Variants in ZDHHC17 observed in about 807,000 individuals in gnomAD.
The protein encoded by ZDHHC17 is zDHHC palmitoyltransferase 17, also known as palmitoyltransferase ZDHHC17.
In ZDHHC17, 40 loss-of-function variants were observed where a neutral mutation model predicts 90.3. That is an observed-to-expected ratio of 0.44 (90% confidence interval 0.34 to 0.58). ZDHHC17 has a LOEUF of 0.58. Ranked by LOEUF, ZDHHC17 falls within the 20% of genes least tolerant of loss-of-function variation. ZDHHC17 has a pLI of 0.01. For missense variants in ZDHHC17, 614 were observed against 780.8 expected, an observed-to-expected ratio of 0.79 and a Z score of 2.55; for synonymous variants, 235 against 252.4, an observed-to-expected ratio of 0.93 and a Z score of 0.65.
In ZDHHC17 at chr12:76,797,494, C is replaced by T. The variant is rs1952834392; in HGVS notation, c.154C>T (p.His52Tyr). 6.2e-7 allele frequency: 1 copy of T among 1,611,542 alleles called. No homozygotes were observed. The highest frequency in any genetic ancestry group is 1.7e-5 in the Admixed American group (1 of 59,826). Residue 52 changes from histidine to tyrosine, a missense_variant, in exon 2 of 17, where the codon CAT becomes TAT. This residue lies in a region of ZDHHC17 where 358 missense variants were observed against 380.4 expected (regional missense o/e 0.94). Coordinates refer to ENST00000426126, the MANE Select transcript of ZDHHC17 (RefSeq NM_015336.4). ...TGGTGAACCTCTTGGACGGAAAACTCATATTGATGATTACAGCACATGGGA... is the reference window on the plus strand; with the variant it reads ...TGGTGAACCTCTTGGACGGAAAACTTATATTGATGATTACAGCACATGGGA... ...GYGEPLGRKTHIDDYSTWDIV... is the reference protein window; with the variant it reads ...GYGEPLGRKTYIDDYSTWDIV...
At position 76,797,460 on chromosome 12, in the gene ZDHHC17, C is replaced by T; in HGVS notation, c.120C>T (p.Asn40=). ...AAATCAAACCCCAAAGCCATTATAA[C>T]CATGGATATGGTGAACCTCTTGGAC... ...PEEIKPQSHY[N]HGYGEPLGRK... The change falls in exon 2 of 17, where the codon AAC becomes AAT. Residue 40 remains asparagine, a synonymous_variant. Transcript: ENST00000426126. 6.2e-7 allele frequency: 1 copy of T among 1,609,128 alleles called. No homozygotes were observed. Among genetic ancestry groups the T allele is most frequent in the Non-Finnish European group, 8.5e-7 (1 of 1,177,588 alleles).
At chr12:76,796,367 A>G (rs1431643978) in intron 1 of ZDHHC17, among the ~76,000 whole-genome samples, 1 of 152,168 alleles carries the variant, frequency 6.6e-6, no homozygotes, top group Non-Finnish European at 1.5e-5. Context: ...TATATAAAAG[A>G]AACAATTGTA....
chr12:76,781,007 G>T (rs1018084589), intron 1 of ZDHHC17, among the ~76,000 whole-genome samples: 2 of 151,732 alleles, frequency 1.3e-5, no homozygotes, highest in African/African-American at 4.8e-5. Context: ...GGTAGCAGGC[G>T]CCCGTAGTCC....
chr12:76,851,047 C>T lies in ZDHHC17; in HGVS notation c.*62C>T. On this transcript the variant is annotated 3_prime_UTR_variant, in exon 17 of 17. Transcript: ENST00000426126. Reference sequence around the variant, plus strand: ...GCCTGAAAATTGTGTCTGTCCGTGTCTTTCTCACACTCGAATCCACATCCT... The same window carrying T: ...GCCTGAAAATTGTGTCTGTCCGTGTTTTTCTCACACTCGAATCCACATCCT... The T allele has an allele frequency of 6.3e-7, 1 of 1,598,516 alleles. No individual in the cohort carries two copies. The highest frequency in any genetic ancestry group is 8.5e-7 in the Non-Finnish European group (1 of 1,170,464).
chr12:76,826,284 C>T (rs1307321499), intron 8 of ZDHHC17, among the ~76,000 whole-genome samples: 3 of 152,104 alleles, frequency 2.0e-5, no homozygotes, highest in Admixed American at 2.0e-4. Context: ...AGGTTTTATA[C>T]TTACAAGTAT....
chr12:76,833,001 G>A (rs1953323062), intron 10 of ZDHHC17, among the ~76,000 whole-genome samples: 2 of 152,056 alleles, frequency 1.3e-5, no homozygotes, highest in Admixed American at 1.3e-4. Flanking sequence ...GGAGGTGTGA[G>A]GATCAACTGT....
intron 1 of ZDHHC17, among the ~76,000 whole-genome samples, chr12:76,781,133 CAAAAA>C (rs33935444): frequency 3.2e-5 from 3 of 92,390 alleles, no homozygotes; most frequent in African/African-American, 4.5e-5. Flanking sequence ...GACTCCGTCT[CAAAAA>C]AAAAAAAAAA....
At chr12:76,831,596 C>T (rs965029244) in intron 10 of ZDHHC17, among the ~76,000 whole-genome samples, 4 of 152,130 alleles carry the variant, frequency 2.6e-5, no homozygotes, top group Non-Finnish European at 4.4e-5. Context: ...GTGATCCGCC[C>T]GCCTCGGTCT....
intron 2 of ZDHHC17, among the ~76,000 whole-genome samples, chr12:76,803,100 A>T (rs754111378): frequency 2.8e-4 from 42 of 152,076 alleles, no homozygotes; most frequent in Non-Finnish European, 5.6e-4. Flanking sequence ...AAAAGTACAA[A>T]AAAAGAGCCA....
Position 76,851,060 on chromosome 12 carries a change from G to A in ZDHHC17, c.*75G>A, listed in dbSNP as rs544953878. 12 of 1,575,430 alleles carry A rather than the reference G, an allele frequency of 7.6e-6. No homozygotes were observed. The South Asian group carries it at 8.0e-5, about 10-fold the overall frequency. On this transcript the variant is annotated 3_prime_UTR_variant, in exon 17 of 17. Transcript: ENST00000426126. ...GTCTGTCCGTGTCTTTCTCACACTC[G>A]AATCCACATCCTTTGAACAAGAGCA... is the stretch of plus-strand genomic sequence containing the variant.
intron 1 of ZDHHC17, among the ~76,000 whole-genome samples, chr12:76,772,927 G>A (rs1481889922): frequency 3.3e-5 from 5 of 150,860 alleles, no homozygotes; most frequent in Non-Finnish European, 7.4e-5. Context: ...CGTGATTCTT[G>A]GCTCACTGCA....
At chr12:76,842,151 A>G in intron 11 of ZDHHC17, 45 bp downstream of exon 11, 4 of 1,515,084 alleles carry the variant, frequency 2.6e-6, no homozygotes, top group African/African-American at 1.4e-5. Flanking sequence ...CTGCCAGATT[A>G]TCAGTATTTA....
At chr12:76,816,045 C>G (rs1190840727) in intron 7 of ZDHHC17, 26 bp downstream of exon 7, 5 of 1,435,082 alleles carry the variant, frequency 3.5e-6, no homozygotes, top group African/African-American at 1.5e-5. Flanking sequence ...ATTGATAATA[C>G]TGTATGAAAT....
chr12:76,817,418 G>T (rs1184310092), intron 7 of ZDHHC17, among the ~76,000 whole-genome samples: 3 of 151,638 alleles, frequency 2.0e-5, no homozygotes, highest in Non-Finnish European at 4.4e-5. Context: ...AAGATACTTA[G>T]TATTATTGAA....
Position 76,826,918 on chromosome 12 carries a change from A to G in ZDHHC17, c.908A>G (p.Gln303Arg). The G allele has an allele frequency of 6.6e-7, 1 of 1,510,524 alleles. No homozygotes were observed. The highest frequency in any genetic ancestry group is 1.4e-5 in the South Asian group (1 of 73,500). The allele number at this position is 1,510,524 out of a possible 1,614,324, so 93.6% of individuals were successfully genotyped here. ...TTTGTTTCTATACAGGAATTTCGGCAGAAAGTAATGTTAGGAACTCCTTTC... is the reference window on the plus strand; with the variant it reads ...TTTGTTTCTATACAGGAATTTCGGCGGAAAGTAATGTTAGGAACTCCTTTC... ...RKLKADKEFR[Q>R]KVMLGTPFLV... Residue 303 changes from glutamine to arginine, a missense_variant, in exon 9 of 17, where the codon CAG becomes CGG. Physicochemically the swap from Gln to Arg is conservative, Grantham distance 43. This residue lies in a region of ZDHHC17 where 358 missense variants were observed against 380.4 expected (regional missense o/e 0.94). Transcript: ENST00000426126.
At chr12:76,775,828 C>G (rs1039426202) in intron 1 of ZDHHC17, among the ~76,000 whole-genome samples, 13 of 151,834 alleles carry the variant, frequency 8.6e-5, no homozygotes, top group Admixed American at 5.3e-4. Context: ...TGTTTTTAAC[C>G]CTAGAATTTT....
intron 8 of ZDHHC17, among the ~76,000 whole-genome samples, chr12:76,823,519 A>G (rs1213897698): frequency 6.6e-6 from 1 of 152,216 alleles, no homozygotes; most frequent in Non-Finnish European, 1.5e-5. Flanking sequence ...TTCTTTATGT[A>G]CCTAAATAAT....
intron 5 of ZDHHC17, among the ~76,000 whole-genome samples, chr12:76,813,749 T>C (rs745698792): frequency 6.6e-5 from 10 of 152,114 alleles, no homozygotes; most frequent in Non-Finnish European, 1.5e-4. Flanking sequence ...TTAATATTTA[T>C]TGAATATCCA....
At chr12:76,827,489 T>A (rs1055013836) in intron 9 of ZDHHC17, among the ~76,000 whole-genome samples, 1 of 152,136 alleles carries the variant, frequency 6.6e-6, no homozygotes, top group African/African-American at 2.4e-5. Context: ...AGTTGTGAAG[T>A]CGGCTGAGTT....
Sources: gnomAD v4.1 joint callset for allele counts (sites outside exome capture counted in the v4.1 genomes callset) on GRCh38, gnomAD v4.1.1 for gene constraint, gnomAD v4.1.1 regional missense constraint, MANE v1.5 for transcripts, NCBI Gene and HGNC (gene_info 2026-07-23, HGNC 2026-07-21) for gene names.